Variants in VWA5B1 observed in about 807,000 individuals in gnomAD.
VWA5B1 encodes von Willebrand factor A domain-containing protein 5B1.
VWA5B1 carries 115 observed loss-of-function variants against 118.2 expected under a neutral mutation model. The ratio of observed to expected loss-of-function variants is 0.97; its 90% CI spans 0.84 to 1.14. VWA5B1 has a LOEUF of 1.14. Ranked by LOEUF, VWA5B1 falls within the 50% of genes most tolerant of loss-of-function variation. VWA5B1 has a pLI of 0.00. For synonymous variants in VWA5B1, 682 were observed against 658.4 expected, an observed-to-expected ratio of 1.04 and a Z score of -0.55; for missense variants, 1,596 against 1,603.8, an observed-to-expected ratio of 1.00 and a Z score of 0.08.
chr1:20,322,078 G>C (rs922128517), intron 7 of VWA5B1, among the ~76,000 whole-genome samples: 2 of 152,204 alleles, frequency 1.3e-5, no homozygotes, highest in African/African-American at 4.8e-5. Context: ...CCTGAACACG[G>C]GCAGTAGCAG....
At chr1:20,291,497 CCTT>C (rs1363952009) in intron 1 of VWA5B1, among the ~76,000 whole-genome samples, 2 of 151,724 alleles carry the variant, frequency 1.3e-5, no homozygotes, top group East Asian at 3.9e-4. Context: ...GTCTGCGTCT[CCTT>C]CTCTCTGTGT....
At chr1:20,305,226 A>G (rs2088613864) in intron 1 of VWA5B1, among the ~76,000 whole-genome samples, 1 of 152,196 alleles carries the variant, frequency 6.6e-6, no homozygotes, top group African/African-American at 2.4e-5. Context: ...AGTGGTCTTG[A>G]AGATGGACCC....
At chr1:20,295,890 T>G (rs1229977268) in intron 1 of VWA5B1, among the ~76,000 whole-genome samples, 1 of 152,082 alleles carries the variant, frequency 6.6e-6, no homozygotes, top group African/African-American at 2.4e-5. Context: ...TTGATGGAGT[T>G]TTGTTCTTGT....
intron 1 of VWA5B1, among the ~76,000 whole-genome samples, chr1:20,305,148 T>G (rs1031831320): frequency 6.8e-6 from 1 of 146,358 alleles, no homozygotes; most frequent in Non-Finnish European, 1.5e-5. Context: ...TGGTGATAAG[T>G]GCTAAGGAAA....
chr1:20,303,125 A>C (rs2088543839), intron 1 of VWA5B1: 1 of 152,232 alleles, frequency 6.6e-6, no homozygotes, highest in Non-Finnish European at 1.5e-5. Flanking sequence ...GGTGGCCCTT[A>C]GAGCACGGGC....
intron 16 of VWA5B1, among the ~76,000 whole-genome samples, chr1:20,344,440 C>T (rs1372107403): frequency 6.6e-6 from 1 of 152,214 alleles, no homozygotes; most frequent in African/African-American, 2.4e-5. Context: ...AGTGAAAAAG[C>T]AATCTCCATC....
intron 21 of VWA5B1, among the ~76,000 whole-genome samples, chr1:20,352,700 T>C (rs552992089): frequency 6.6e-6 from 1 of 152,234 alleles, no homozygotes; most frequent in South Asian, 2.1e-4. Flanking sequence ...CTGGGGCCCC[T>C]CAGGGCTTGG....
chr1:20,295,643 C>T (rs1373643066), intron 1 of VWA5B1, among the ~76,000 whole-genome samples: 1 of 152,172 alleles, frequency 6.6e-6, no homozygotes, highest in African/African-American at 2.4e-5. Context: ...CCAAGAGGTT[C>T]CTTCCCTGGG....
chr1:20,315,491 C>A (rs2088978847), intron 4 of VWA5B1, among the ~76,000 whole-genome samples: 2 of 152,146 alleles, frequency 1.3e-5, no homozygotes, highest in African/African-American at 2.4e-5. Context: ...CAGCTGAGAT[C>A]ATTTTCTATG....
chr1:20,345,738 A>T, intron 17 of VWA5B1, 145 bp downstream of exon 17: 1 of 1,273,074 alleles, frequency 7.9e-7, no homozygotes, highest in Non-Finnish European at 1.0e-6. Context: ...CCAGTGGATG[A>T]TTTGGCTGCT....
chr1:20,327,765 A>C (rs927801205), intron 8 of VWA5B1, 125 bp from the exon 9 acceptor site: 1 of 820,058 alleles, frequency 1.2e-6, no homozygotes, highest in Non-Finnish European at 2.0e-6. Flanking sequence ...TGCTGGGTGC[A>C]GACAGAGGAG....
rs1455305960 is a variant in VWA5B1, at chr1:20,332,952, G to A, written c.1758+1G>A. Reference sequence around the variant, plus strand: ...TTTGCACATCTCCAATCCCAGATCTGTAAGTATCCTAGAAATTCCACGGGT... The same window carrying A: ...TTTGCACATCTCCAATCCCAGATCTATAAGTATCCTAGAAATTCCACGGGT... On this transcript the variant is annotated splice_donor_variant, in intron 12 of 21. Coordinates refer to ENST00000289815, the MANE Select transcript of VWA5B1 (RefSeq NM_001039500.3). LOFTEE classifies it high-confidence loss of function. 5 of 1,551,644 alleles carry A rather than the reference G, an allele frequency of 3.2e-6. No individual in the cohort carries two copies. In the East Asian group the frequency reaches 7.3e-5, roughly 23 times the overall value.
chr1:20,347,148 T>C (rs1277811947), intron 17 of VWA5B1, among the ~76,000 whole-genome samples: 2 of 152,204 alleles, frequency 1.3e-5, no homozygotes, highest in Non-Finnish European at 2.9e-5. Context: ...TCTAGTCTCA[T>C]GTCCTATGAA....
At chr1:20,349,850 A>T (rs1362209080) in intron 18 of VWA5B1, among the ~76,000 whole-genome samples, 2 of 151,350 alleles carry the variant, frequency 1.3e-5, no homozygotes, top group African/African-American at 4.9e-5. Flanking sequence ...ACACTGTGAG[A>T]TAGATAATAT....
Position 20,355,895 on chromosome 1 carries a change from G to A in VWA5B1, c.*1632G>A, listed in dbSNP as rs2101038148. Among the ~76,000 whole-genome samples the A allele has an allele frequency of 6.7e-6, 1 of 150,282 alleles. No individual in the cohort carries two copies. The highest frequency in any genetic ancestry group is 2.4e-5 in the African/African-American group (1 of 40,888). On this transcript the variant is annotated 3_prime_UTR_variant, in exon 22 of 22. Transcript: ENST00000289815. ...AGATGAAATCCCATTGCTGCCTTGT[G>A]GACTGGCTCTGCTTCAGACTTACCC...
At chr1:20,342,303 G>C (rs1229913081) in intron 14 of VWA5B1, 129 bp from the exon 15 acceptor site, 1 of 955,732 alleles carries the variant, frequency 1.0e-6, no homozygotes, top group African/African-American at 1.7e-5. Flanking sequence ...CCAGGAAAGA[G>C]CTGGTGGGGT....
intron 20 of VWA5B1, among the ~76,000 whole-genome samples, chr1:20,351,261 G>A (rs778853837): frequency 3.3e-5 from 5 of 152,330 alleles, no homozygotes; most frequent in South Asian, 2.1e-4. Flanking sequence ...GCTCACACGT[G>A]TAATCCCAGC....
intron 12 of VWA5B1, among the ~76,000 whole-genome samples, chr1:20,334,761 A>G (rs953352649): frequency 6.6e-6 from 1 of 152,168 alleles, no homozygotes; most frequent in African/African-American, 2.4e-5. Flanking sequence ...CAGTGAGCCA[A>G]GATCATGCCA....
chr1:20,352,303 T>A (rs1011497888), intron 21 of VWA5B1, 131 bp downstream of exon 21: 2 of 713,710 alleles, frequency 2.8e-6, no homozygotes, highest in Non-Finnish European at 4.5e-6. Context: ...TCAGATCCCC[T>A]GAGTTTTGAG....
Sources: gnomAD v4.1 joint callset for allele counts (sites outside exome capture counted in the v4.1 genomes callset) on GRCh38, gnomAD v4.1.1 for gene constraint, MANE v1.5 for transcripts, NCBI Gene and HGNC (gene_info 2026-07-23, HGNC 2026-07-21) for gene names.